Variants in PARD3B observed in about 807,000 individuals in gnomAD.
The protein encoded by PARD3B is partitioning defective 3 homolog B.
In PARD3B, 103 loss-of-function variants were observed where a neutral mutation model predicts 130.2. The observed-to-expected ratio is 0.79, with a 90% CI of 0.67 to 0.93. The LOEUF is 0.93. PARD3B is among the 40% of genes least tolerant of loss of function. The pLI, the probability that PARD3B is intolerant of heterozygous loss-of-function variation, is 0.00. For synonymous variants in PARD3B, 583 were observed against 553.2 expected, an observed-to-expected ratio of 1.05 and a Z score of -0.76; for missense variants, 1,609 against 1,499.2, an observed-to-expected ratio of 1.07 and a Z score of -1.21.
intron 2 of PARD3B, among the ~76,000 whole-genome samples, chr2:204,778,365 G>T (rs2041716597): frequency 6.6e-6 from 1 of 152,132 alleles, no homozygotes; most frequent in South Asian, 2.1e-4. Flanking sequence ...CTGGCTGAAA[G>T]GCAGAGATTA....
At chr2:205,028,454 A>G (rs140744780) in intron 3 of PARD3B, among the ~76,000 whole-genome samples, 3 of 152,268 alleles carry the variant, frequency 2.0e-5, no homozygotes, top group African/African-American at 7.2e-5. Flanking sequence ...TTATCGCAAC[A>G]TAACAAAGGT....
At chr2:205,141,805 A>G (rs2032979026) in intron 10 of PARD3B, among the ~76,000 whole-genome samples, 1 of 152,228 alleles carries the variant, frequency 6.6e-6, no homozygotes, top group African/African-American at 2.4e-5. Context: ...TTTACCAAAT[A>G]CACTACCAGT....
At chr2:204,756,757 A>G (rs1389707827) in intron 2 of PARD3B, among the ~76,000 whole-genome samples, 2 of 152,164 alleles carry the variant, frequency 1.3e-5, no homozygotes, top group Non-Finnish European at 2.9e-5. Context: ...CTGAATGGAT[A>G]TGGAATCCGA....
intron 18 of PARD3B, among the ~76,000 whole-genome samples, chr2:205,376,187 A>C (rs866786536): frequency 5.3e-5 from 8 of 152,250 alleles, no homozygotes; most frequent in African/African-American, 1.9e-4. Context: ...CAGATGAAAA[A>C]ACAGGTTTGG....
intron 2 of PARD3B, among the ~76,000 whole-genome samples, chr2:204,698,727 G>A (rs981093672): frequency 6.6e-6 from 1 of 152,022 alleles, no homozygotes; most frequent in East Asian, 1.9e-4. Flanking sequence ...GATACTTAAA[G>A]TATAAGTGGT....
At chr2:205,206,340 A>G (rs57468390) in intron 15 of PARD3B, among the ~76,000 whole-genome samples, 22,316 of 146,988 alleles carry the variant, frequency 0.15, 2,058 homozygotes, top group African/African-American at 0.24. Context: ...AGCATTAGGT[A>G]TATCTCCCGA....
chr2:204,818,095 G>T (rs2043209223), intron 2 of PARD3B, among the ~76,000 whole-genome samples: 1 of 152,100 alleles, frequency 6.6e-6, no homozygotes, highest in South Asian at 2.1e-4. Context: ...CTACTGGTGA[G>T]AATAGTTCCA....
chr2:205,606,259 G>C (rs1001420781), intron 22 of PARD3B, among the ~76,000 whole-genome samples: 1 of 152,116 alleles, frequency 6.6e-6, no homozygotes, highest in Non-Finnish European at 1.5e-5. Flanking sequence ...TCACGAGTGG[G>C]ATCTCCTGAT....
chr2:204,655,593 A>T (rs780185022), intron 1 of PARD3B, among the ~76,000 whole-genome samples: 3 of 152,178 alleles, frequency 2.0e-5, no homozygotes, highest in Non-Finnish European at 2.9e-5. Flanking sequence ...TGTATTAGGA[A>T]TTGGGGAAGT....
intron 21 of PARD3B, among the ~76,000 whole-genome samples, chr2:205,511,625 C>T (rs1559162961): frequency 6.6e-6 from 1 of 152,156 alleles, no homozygotes; most frequent in African/African-American, 2.4e-5. Flanking sequence ...TTAAACTGTT[C>T]TCAAAGCTGT....
At chr2:205,188,065 A>G (rs2036195591) in intron 14 of PARD3B, among the ~76,000 whole-genome samples, 1 of 152,262 alleles carries the variant, frequency 6.6e-6, no homozygotes, top group African/African-American at 2.4e-5. Flanking sequence ...TCTTAGAGAC[A>G]GACACGCAGA....
chr2:205,359,286 A>G (rs1021273294), intron 18 of PARD3B, among the ~76,000 whole-genome samples: 2 of 152,212 alleles, frequency 1.3e-5, no homozygotes, highest in Non-Finnish European at 2.9e-5. Context: ...ACAACTTTGG[A>G]AAATCACTTG....
At chr2:204,791,068 G>A (rs1051703086) in intron 2 of PARD3B, among the ~76,000 whole-genome samples, 9 of 151,832 alleles carry the variant, frequency 5.9e-5, no homozygotes, top group East Asian at 3.9e-4. Context: ...TGACGCCACC[G>A]CCCTCCAGCC....
At chr2:205,023,721 T>C (rs993067823) in intron 3 of PARD3B, among the ~76,000 whole-genome samples, 1 of 152,000 alleles carries the variant, frequency 6.6e-6, no homozygotes, top group Non-Finnish European at 1.5e-5. Context: ...CAACTTGAAT[T>C]ATATATAATT....
chr2:204,712,427 A>G (rs1336252809), intron 2 of PARD3B, among the ~76,000 whole-genome samples: 1 of 152,030 alleles, frequency 6.6e-6, no homozygotes, highest in Non-Finnish European at 1.5e-5. Flanking sequence ...CCTGGCCAGT[A>G]TGGTGAAACC....
chr2:204,847,074 T>C (rs2044490405), intron 2 of PARD3B, among the ~76,000 whole-genome samples: 1 of 152,120 alleles, frequency 6.6e-6, no homozygotes, highest in South Asian at 2.1e-4. Context: ...GAATAGACTA[T>C]CGCCACGTAT....
chr2:205,487,282 C>T (rs1349626550), intron 20 of PARD3B, among the ~76,000 whole-genome samples: 1 of 152,162 alleles, frequency 6.6e-6, no homozygotes, highest in Non-Finnish European at 1.5e-5. Context: ...TTTTTTAAAA[C>T]ACTCTTTTCC....
intron 1 of PARD3B, among the ~76,000 whole-genome samples, chr2:204,589,997 T>A (rs2033007210): frequency 1.3e-5 from 2 of 152,184 alleles, no homozygotes; most frequent in South Asian, 4.1e-4. Context: ...TCCCTTGATA[T>A]TTCCCACATA....
At chr2:205,374,543 A>C (rs908138237) in intron 18 of PARD3B, among the ~76,000 whole-genome samples, 2 of 152,142 alleles carry the variant, frequency 1.3e-5, no homozygotes. Flanking sequence ...CAACCACTTT[A>C]ATTTTTATAT....
Sources: allele counts gnomAD v4.1 joint callset (sites outside exome capture counted in the v4.1 genomes callset), GRCh38; gene constraint gnomAD v4.1.1; transcripts MANE v1.5; gene names NCBI Gene and HGNC (gene_info 2026-07-23, HGNC 2026-07-21).